The following SMARCA2 variants were observed in gnomAD, a reference collection of about 807,000 sequenced individuals.
The protein encoded by SMARCA2 is SWI/SNF-related matrix-associated actin-dependent regulator of chromatin subfamily A member 2.
SMARCA2 carries 61 observed loss-of-function variants against 199.8 expected under a neutral mutation model. That is an observed-to-expected ratio of 0.31 (90% confidence interval 0.25 to 0.38). The LOEUF (loss-of-function observed/expected upper bound fraction) is 0.38. Among genes scored for constraint, SMARCA2 ranks in the 10% least tolerant of loss-of-function variants. The probability of loss-of-function intolerance (pLI) is 1.00; values close to 1 mark genes in which losing one functional copy is unlikely to be tolerated. For synonymous variants in SMARCA2, 935 were observed against 732.0 expected (o/e 1.28, Z -4.48); for missense variants, 1,344 against 2,012.2 (o/e 0.67, Z 6.35).
intron 1 of SMARCA2, 71 bp from the exon 2 acceptor site, chr9:2,028,916 A>C: frequency 3.3e-5 from 41 of 1,239,240 alleles, no homozygotes; most frequent in East Asian, 7.6e-5. Flanking sequence ...ATCAAATGCT[A>C]ACAATTGTTT....
rs1383968848 is a variant in SMARCA2, at chr9:2,056,831, C to T, written c.1333C>T (p.Arg445Cys). The T allele has an allele frequency of 2.5e-6, 4 of 1,613,594 alleles. No homozygotes were observed. Among genetic ancestry groups the T allele is most frequent in the Non-Finnish European group, 3.4e-6 (4 of 1,179,802 alleles). The change falls in exon 7 of 34, where the codon CGT becomes TGT. Residue 445 changes from arginine (R) to cysteine (C), a missense_variant. Coordinates refer to ENST00000349721, the MANE Select transcript of SMARCA2 (RefSeq NM_003070.5). The surrounding 1 kb of genome is among the most constrained non-coding windows in gnomAD (Gnocchi z 4.0). ...GAAGATTGAGCAGGAGAGGAAACGC[C>T]GTCAGAAACACCAGGTTCTTAGACC... is the stretch of plus-strand genomic sequence containing the variant. The part of the protein sequence containing the change: ...QQKIEQERKR[R>C]QKHQEYLNSI...
intron 1 of SMARCA2, among the ~76,000 whole-genome samples, chr9:2,019,140 A>AG (rs1491297715): frequency 2.8e-4 from 34 of 122,366 alleles, no homozygotes; most frequent in Non-Finnish European, 5.5e-5. Context: ...GACTGAGGGG[A>AG]AAAAAAAAAA....
chr9:2,081,669 T>C (rs138206492), intron 14 of SMARCA2, among the ~76,000 whole-genome samples, 163 bp from the exon 15 acceptor site: 2,311 of 152,334 alleles, frequency 0.015, 32 homozygotes, highest in Non-Finnish European at 0.023. Context: ...ATCAGGCTCA[T>C]ATTTTACATT....
At chr9:2,160,133 C>T (rs887005958) in intron 27 of SMARCA2, 11 of 553,276 alleles carry the variant, frequency 2.0e-5, no homozygotes, top group Admixed American at 9.6e-5. Context: ...TCTTAATCTT[C>T]GCTTAGCTGC....
chr9:2,186,060 C>T (rs780772640), intron 31 of SMARCA2, 36 bp from the exon 32 acceptor site: 2 of 1,603,250 alleles, frequency 1.2e-6, no homozygotes, highest in South Asian at 1.1e-5. Context: ...GGTAACTCAG[C>T]TTGCAGTTTT....
At chr9:2,020,927 G>C (rs1057241466) in intron 1 of SMARCA2, among the ~76,000 whole-genome samples, 1 of 152,104 alleles carries the variant, frequency 6.6e-6, no homozygotes, top group Non-Finnish European at 1.5e-5. Context: ...ATGTCCTTCT[G>C]GACTTCTGGG....
intron 27 of SMARCA2, among the ~76,000 whole-genome samples, chr9:2,125,004 C>T (rs916550918): frequency 2.0e-5 from 3 of 152,070 alleles, no homozygotes; most frequent in African/African-American, 7.2e-5. Flanking sequence ...AGTACAGTTC[C>T]CAAGCTTTGT....
chr9:2,055,682 G>C (rs1338744813), intron 6 of SMARCA2: 1 of 152,156 alleles, frequency 6.6e-6, no homozygotes, highest in South Asian at 2.1e-4. Flanking sequence ...ATTAGTGGTG[G>C]GTAGGTGCTA....
chr9:2,134,944 T>C (rs1824129630), intron 27 of SMARCA2, among the ~76,000 whole-genome samples: 2 of 152,142 alleles, frequency 1.3e-5, no homozygotes, highest in African/African-American at 4.8e-5. Flanking sequence ...GTATGTTATT[T>C]ATAAGCTATA....
Position 2,110,304 on chromosome 9 carries a change from C to A in SMARCA2, c.3343C>A (p.Pro1115Thr). 1.2e-6 allele frequency: 2 copies of A among 1,613,540 alleles called. No homozygotes were observed. Among genetic ancestry groups the A allele is most frequent in the Non-Finnish European group, 8.5e-7 (1 of 1,179,710 alleles). The change falls in exon 24 of 34, where the codon CCT becomes ACT. Residue 1115 changes from proline (P) to threonine (T), a missense_variant. Physicochemically the swap from Pro to Thr is conservative, Grantham distance 38. Transcript: ENST00000349721. This position sits in a 1 kb window ranked among gnomAD's most constrained non-coding sequence, Gnocchi z 4.8. ...RAALLKKFNEPGSQYFIFLLS... is the reference protein window; with the variant it reads ...RAALLKKFNETGSQYFIFLLS... ...TGCTTTGCTGAAGAAATTCAATGAA[C>A]CTGGATCCCAGTATTTCATTTTCTT...
At chr9:2,044,106 C>G (rs1258574870) in intron 4 of SMARCA2, 2 of 152,220 alleles carry the variant, frequency 1.3e-5, no homozygotes, top group Non-Finnish European at 2.9e-5. Context: ...ACCCGTAAGC[C>G]GCCTGAGGGA....
Position 2,039,562 on chromosome 9 carries a change from G to C in SMARCA2, c.452G>C (p.Ser151Thr), listed in dbSNP as rs1158645417. 1.9e-6 allele frequency: 3 copies of C among 1,614,086 alleles called. No homozygotes were observed. Among genetic ancestry groups the C allele is most frequent in the African/African-American group, 2.7e-5 (2 of 74,914 alleles). The change falls in exon 4 of 34, where the codon AGC becomes ACC. Residue 151 changes from serine (S) to threonine (T), a missense_variant. Physicochemically the swap from Ser to Thr is moderately conservative, Grantham distance 58. Coordinates refer to ENST00000349721, the MANE Select transcript of SMARCA2 (RefSeq NM_003070.5). The surrounding 1 kb of genome is among the most constrained non-coding windows in gnomAD (Gnocchi z 4.8). ...CCAACTCCACCTCAGATGCCACCAAGCCAGCCGGGGGCCCTCATCCCAGGT... is the reference window on the plus strand; with the variant it reads ...CCAACTCCACCTCAGATGCCACCAACCCAGCCGGGGGCCCTCATCCCAGGT... ...GGPTPPQMPP[S>T]QPGALIPGDP...
intron 14 of SMARCA2, 64 bp downstream of exon 14, chr9:2,077,840 A>G: frequency 2.1e-6 from 3 of 1,460,958 alleles, no homozygotes; most frequent in East Asian, 4.9e-5. Flanking sequence ...TGATTGAAGT[A>G]TGTCGTGCAC....
Position 2,056,940 on chromosome 9 carries a change from G to T in SMARCA2, c.1347+95G>T, listed in dbSNP as rs1007528528. On this transcript the variant is annotated intron_variant, in intron 7 of 33. Coordinates refer to ENST00000349721, the MANE Select transcript of SMARCA2 (RefSeq NM_003070.5). The surrounding 1 kb of genome is among the most constrained non-coding windows in gnomAD (Gnocchi z 4.0). ...CAGAATGACTGAAAAATGGACCCTT[G>T]TGGGTGGTGGGGACATCACAGAACA... is the stretch of plus-strand genomic sequence containing the variant. The T allele has an allele frequency of 9.2e-7, 1 of 1,090,672 alleles. No individual in the cohort carries two copies. The highest frequency in any genetic ancestry group is 1.6e-5 in the African/African-American group (1 of 63,662). The allele number at this position is 1,090,672 out of a possible 1,614,324, so 67.6% of individuals were successfully genotyped here.
intron 27 of SMARCA2, among the ~76,000 whole-genome samples, chr9:2,139,142 G>A (rs1380883101): frequency 6.6e-6 from 1 of 152,200 alleles, no homozygotes; most frequent in African/African-American, 2.4e-5. Context: ...GGGGTTTACT[G>A]TAATCACCCA....
At chr9:2,099,852 C>A (rs1488547588) in intron 21 of SMARCA2, among the ~76,000 whole-genome samples, 1 of 152,148 alleles carries the variant, frequency 6.6e-6, no homozygotes, top group Non-Finnish European at 1.5e-5. Context: ...ATGCTGTTAC[C>A]TAATCTCCAA....
chr9:2,039,499 C>T lies in SMARCA2; in HGVS notation c.389C>T (p.Ala130Val). Reference sequence around the variant, plus strand: ...TCACCACACCCATCTCCATTAGGAGCCCCAGAGCACGTCTCCAGCCCTATG... The same window carrying T: ...TCACCACACCCATCTCCATTAGGAGTCCCAGAGCACGTCTCCAGCCCTATG... ...YMSPHPSPLGAPEHVSSPMSG... is the reference protein window; with the variant it reads ...YMSPHPSPLGVPEHVSSPMSG... The change falls in exon 4 of 34, where the codon GCC becomes GTC. Residue 130 changes from alanine (A) to valine (V), a missense_variant. By Grantham distance (64) the Ala-to-Val change is moderately conservative. Transcript: ENST00000349721. The surrounding 1 kb of genome is among the most constrained non-coding windows in gnomAD (Gnocchi z 4.8). The T allele has an allele frequency of 8.1e-6, 13 of 1,614,056 alleles. No homozygotes were observed. The highest frequency in any genetic ancestry group is 1.1e-5 in the Non-Finnish European group (13 of 1,180,002).
chr9:2,123,770 C>G lies in SMARCA2; in HGVS notation c.3814C>G (p.Pro1272Ala). ...AGATGCCCGGAACCCGAAACGGAAG[C>G]CCCGTTTAATGGAGGAGGATGAGCT... ...REDARNPKRK[P>A]RLMEEDELPS... Residue 1272 changes from proline to alanine, a missense_variant, in exon 27 of 34, where the codon CCC becomes GCC. By Grantham distance (27) the Pro-to-Ala change is conservative. This residue lies in a region of SMARCA2 where 63 missense variants were observed against 83.3 expected (regional missense o/e 0.76). Coordinates refer to ENST00000349721, the MANE Select transcript of SMARCA2 (RefSeq NM_003070.5). This position sits in a 1 kb window ranked among gnomAD's most constrained non-coding sequence, Gnocchi z 4.1. The G allele has an allele frequency of 4.3e-6, 7 of 1,613,988 alleles. No homozygotes were observed. Among genetic ancestry groups the G allele is most frequent in the Non-Finnish European group, 5.1e-6 (6 of 1,179,948 alleles).
chr9:2,134,606 C>T (rs1037393648), intron 27 of SMARCA2, among the ~76,000 whole-genome samples: 13 of 152,312 alleles, frequency 8.5e-5, no homozygotes, highest in East Asian at 1.9e-4. Context: ...TGAGTTCTGA[C>T]GCTGCTACCA....
Sources: gnomAD v4.1 joint callset for allele counts (sites outside exome capture counted in the v4.1 genomes callset) on GRCh38, gnomAD v4.1.1 for gene constraint, gnomAD v4.1.1 regional missense constraint, Gnocchi (gnomAD v3.1) non-coding constraint, MANE v1.5 for transcripts, NCBI Gene and HGNC (gene_info 2026-07-23, HGNC 2026-07-21) for gene names.